FHIT: variants seen among roughly 807,000 people sequenced by gnomAD.
FHIT encodes fragile histidine triad diadenosine triphosphatase.
FHIT carries 19 observed loss-of-function variants against 17.9 expected under a neutral mutation model. The observed-to-expected ratio is 1.06, with a 90% CI of 0.74 to 1.56. The LOEUF is 1.56. FHIT is among the 40% of genes most tolerant of loss of function. The pLI, the probability that FHIT is intolerant of heterozygous loss-of-function variation, is 0.00. For missense variants in FHIT, 248 were observed against 189.2 expected, an observed-to-expected ratio of 1.31 and a Z score of -1.82; for synonymous variants, 81 against 69.7, an observed-to-expected ratio of 1.16 and a Z score of -0.81.
intron 7 of FHIT, among the ~76,000 whole-genome samples, chr3:59,993,762 C>T (rs1699389868): frequency 6.6e-6 from 1 of 151,922 alleles, no homozygotes; most frequent in Non-Finnish European, 1.5e-5. Context: ...GTCTCAGTTC[C>T]TGTTCAACTC....
intron 4 of FHIT, among the ~76,000 whole-genome samples, chr3:60,795,512 T>TG (rs1700949346): frequency 1.3e-5 from 2 of 151,730 alleles, no homozygotes; most frequent in African/African-American, 2.4e-5. Context: ...TTTTTTGTTT[T>TG]TTTTTTTTTA....
intron 5 of FHIT, among the ~76,000 whole-genome samples, chr3:60,107,980 G>A (rs1371002484): frequency 1.3e-5 from 2 of 152,176 alleles, no homozygotes; most frequent in Non-Finnish European, 2.9e-5. Flanking sequence ...CTACTCTGGG[G>A]TTGCTGTGAA....
At chr3:60,857,583 A>C (rs917778195) in intron 3 of FHIT, among the ~76,000 whole-genome samples, 2 of 152,196 alleles carry the variant, frequency 1.3e-5, no homozygotes, top group African/African-American at 4.8e-5. Context: ...GCATGCAATA[A>C]ATGTTATAAA....
chr3:60,228,920 T>G (rs140530560), intron 5 of FHIT, among the ~76,000 whole-genome samples: 1 of 152,100 alleles, frequency 6.6e-6, no homozygotes, highest in African/African-American at 2.4e-5. Context: ...ATTTTAGAGA[T>G]GAAGAAACAT....
In FHIT at chr3:60,265,567, T is replaced by C. The variant is rs767428897; in HGVS notation, c.104-251415A>G. 9.5e-4 allele frequency among the ~76,000 whole-genome samples: 145 copies of C among 152,066 alleles called. 3 individuals are homozygous for C. The highest frequency in any genetic ancestry group is 1.1e-3 in the Non-Finnish European group (77 of 67,924). Reference sequence around the variant, plus strand: ...CGACAGCCACAACAAAGAAAAAATATATATAAATTAGACTTCATCAAAATG... The same window carrying C: ...CGACAGCCACAACAAAGAAAAAATACATATAAATTAGACTTCATCAAAATG... On this transcript the variant is annotated intron_variant, in intron 5 of 9. Transcript: ENST00000492590.
chr3:59,818,535 TAC>T (rs1575544938), intron 8 of FHIT, among the ~76,000 whole-genome samples: 2 of 150,984 alleles, frequency 1.3e-5, no homozygotes, highest in East Asian at 3.9e-4. Flanking sequence ...AAATGTGATC[TAC>T]ACAGTCTCTA....
At chr3:60,478,179 T>C (rs1248720221) in intron 5 of FHIT, among the ~76,000 whole-genome samples, 1 of 152,178 alleles carries the variant, frequency 6.6e-6, no homozygotes, top group Admixed American at 6.6e-5. Flanking sequence ...TAATCAGCAG[T>C]AACCTTATGC....
intron 3 of FHIT, among the ~76,000 whole-genome samples, chr3:60,872,576 A>T (rs1159863333): frequency 6.6e-6 from 1 of 152,100 alleles, no homozygotes; most frequent in Non-Finnish European, 1.5e-5. Flanking sequence ...CTGGCTTTTG[A>T]ACAGAAAATT....
chr3:60,914,681 C>T (rs1706915277), intron 3 of FHIT, among the ~76,000 whole-genome samples: 1 of 152,192 alleles, frequency 6.6e-6, no homozygotes, highest in African/African-American at 2.4e-5. Context: ...ATAACGTCCA[C>T]CTTTACTTCT....
At chr3:61,038,073 CAT>C (rs1174339346) in intron 3 of FHIT, among the ~76,000 whole-genome samples, 3 of 152,118 alleles carry the variant, frequency 2.0e-5, no homozygotes, top group African/African-American at 7.2e-5. Context: ...TACTTAATGA[CAT>C]AATTGATTTA....
At chr3:59,774,202 G>GT (rs1702201158) in intron 8 of FHIT, among the ~76,000 whole-genome samples, 1 of 152,106 alleles carries the variant, frequency 6.6e-6, no homozygotes, top group African/African-American at 2.4e-5. Flanking sequence ...TTTGGTAAAG[G>GT]GGCTTTTATT....
At chr3:60,137,885 G>A (rs184069951) in intron 5 of FHIT, among the ~76,000 whole-genome samples, 102 of 152,142 alleles carry the variant, frequency 6.7e-4, no homozygotes, top group Middle Eastern at 6.8e-3. Flanking sequence ...ATGAATATCC[G>A]TTGAAATAAA....
At chr3:60,895,665 C>CCTTTCTTTCTTTCTTT (rs141279352) in intron 3 of FHIT, among the ~76,000 whole-genome samples, 79 of 107,014 alleles carry the variant, frequency 7.4e-4, no homozygotes, top group East Asian at 3.8e-3. Flanking sequence ...TTCCTTCCTT[C>CCTTTCTTTCTTTCTTT]CTTTCTTTCT....
At chr3:60,198,373 G>A (rs185281958) in intron 5 of FHIT, among the ~76,000 whole-genome samples, 6 of 152,228 alleles carry the variant, frequency 3.9e-5, no homozygotes, top group South Asian at 2.1e-4. Context: ...AGCTTGGCCC[G>A]TTCACTTGGA....
At chr3:60,890,409 G>A (rs1202158566) in intron 3 of FHIT, among the ~76,000 whole-genome samples, 14 of 152,076 alleles carry the variant, frequency 9.2e-5, no homozygotes, top group African/African-American at 1.9e-4. Flanking sequence ...CAAATGGAGC[G>A]GAACAACTAC....
intron 4 of FHIT, among the ~76,000 whole-genome samples, chr3:60,797,870 T>A (rs1435440317): frequency 3.3e-5 from 5 of 152,122 alleles, no homozygotes; most frequent in Non-Finnish European, 7.3e-5. Context: ...TTCTAATGTA[T>A]AATTTTGAAT....
intron 5 of FHIT, among the ~76,000 whole-genome samples, chr3:60,475,448 T>G (rs1206716777): frequency 1.3e-5 from 2 of 152,170 alleles, no homozygotes; most frequent in East Asian, 3.9e-4. Context: ...AAACCAAAGC[T>G]CCATCTTTAG....
At chr3:59,771,371 T>G in intron 8 of FHIT, among the ~76,000 whole-genome samples, 1 of 152,264 alleles carries the variant, frequency 6.6e-6, no homozygotes, top group Middle Eastern at 3.4e-3. Context: ...CATGGGAATA[T>G]GATAATAATT....
At chr3:59,830,119 G>T (rs1701116067) in intron 8 of FHIT, among the ~76,000 whole-genome samples, 1 of 152,074 alleles carries the variant, frequency 6.6e-6, no homozygotes, top group Non-Finnish European at 1.5e-5. Context: ...GTTTACATTA[G>T]TGGCAAATAA....
Sources: allele counts gnomAD v4.1 joint callset (sites outside exome capture counted in the v4.1 genomes callset), GRCh38; gene constraint gnomAD v4.1.1; transcripts MANE v1.5; gene names NCBI Gene and HGNC (gene_info 2026-07-23, HGNC 2026-07-21).